Variants in LAMA1 observed in about 807,000 individuals in gnomAD.
LAMA1 encodes laminin subunit alpha-1.
A neutral mutation model predicts 348.7 loss-of-function variants in LAMA1; 219 were observed. That is an observed-to-expected ratio of 0.63 (90% confidence interval 0.56 to 0.70). The LOEUF is 0.70. LAMA1 is among the 30% of genes least tolerant of loss of function. The pLI is 0.00. For missense variants in LAMA1, 3,744 were observed against 3,888.0 expected (o/e 0.96, Z 0.99); for synonymous variants, 1,487 against 1,491.0 (o/e 1.00, Z 0.06).
chr18:7,043,500 A>T, intron 7 of LAMA1, 95 bp from the exon 8 acceptor site: 1 of 1,004,656 alleles, frequency 1.0e-6, no homozygotes, highest in African/African-American at 1.6e-5. Flanking sequence ...ATGATTTTAG[A>T]TTAAATTAAA....
chr18:7,002,285 C>G lies in LAMA1; in HGVS notation c.4361G>C (p.Cys1454Ser), dbSNP rs2057811100. The G allele has an allele frequency of 6.2e-6, 10 of 1,612,756 alleles. No homozygotes were observed. Among genetic ancestry groups the G allele is most frequent in the Non-Finnish European group, 8.5e-6 (10 of 1,179,982 alleles). Residue 1454 changes from cysteine to serine, a missense_variant, in exon 30 of 63, where the codon TGT becomes TCT. Cys to Ser is a moderately radical substitution (Grantham distance 112). Around this residue, in one of 3 missense-constraint regions of LAMA1, gnomAD observed 1,983 missense variants for 1,934.3 expected, o/e 1.03. Coordinates refer to ENST00000389658, the MANE Select transcript of LAMA1 (RefSeq NM_005559.4). The part of the protein sequence containing the change: ...GSASDCALCA[C>S]PHSPPASFSP... ...TCACCTGGCAGGAGGGCTGTGAGGA[C>G]AGGCACACAGAGCACAGTCACTTGC...
rs752008334 is a variant in LAMA1, at chr18:7,012,057, G to C, written c.3445C>G (p.Pro1149Ala). ...TGGGACAGCCCGGAGCAGAAGCACG[G>C]GCTGCAGCCCAGGGGGTTGTCTGCG... Reference protein sequence around the residue: ...LRADNPLGCSPCFCSGLSHLC... With the variant: ...LRADNPLGCSACFCSGLSHLC... Residue 1149 changes from proline (P) to alanine (A), a missense_variant, in exon 24 of 63, where the codon CCG (proline) becomes GCG (alanine). Physicochemically the swap from Pro to Ala is conservative, Grantham distance 27 (BLOSUM62 -1). This residue lies in a region of LAMA1 where 1,529 missense variants were observed against 1,689.4 expected (regional missense o/e 0.91). Coordinates refer to ENST00000389658, the MANE Select transcript of LAMA1 (RefSeq NM_005559.4). The C allele has an allele frequency of 1.9e-6, 3 of 1,612,516 alleles. No individual in the cohort carries two copies. The Admixed American group carries it at 5.0e-5, about 27-fold the overall frequency.
At chr18:7,055,487 G>GTACACACACA (rs1480915146) in intron 3 of LAMA1, among the ~76,000 whole-genome samples, 1 of 148,278 alleles carries the variant, frequency 6.7e-6, no homozygotes, top group Admixed American at 6.8e-5. Context: ...ATTTACCCAC[G>GTACACACACA]TACACACACA....
chr18:7,098,724 G>A (rs1455684603), intron 1 of LAMA1, among the ~76,000 whole-genome samples: 2 of 145,656 alleles, frequency 1.4e-5, no homozygotes, highest in East Asian at 2.0e-4. Flanking sequence ...AGGTGGGGGG[G>A]TCAGCCCCCC....
At chr18:7,100,326 T>C (rs1347297490) in intron 1 of LAMA1, among the ~76,000 whole-genome samples, 1 of 152,162 alleles carries the variant, frequency 6.6e-6, no homozygotes. Flanking sequence ...TTGAACTCAC[T>C]GTATGTCTAT....
intron 19 of LAMA1, among the ~76,000 whole-genome samples, chr18:7,022,306 A>G (rs971192369): frequency 2.0e-5 from 3 of 152,204 alleles, no homozygotes; most frequent in Admixed American, 2.0e-4. Flanking sequence ...AAAATGATAA[A>G]AACATTCTAC....
intron 3 of LAMA1, among the ~76,000 whole-genome samples, chr18:7,078,475 TTTTC>T (rs2058180241): frequency 6.6e-6 from 1 of 152,038 alleles, no homozygotes. Flanking sequence ...TCTTTTCTCT[TTTTC>T]TTTAAGGGGA....
At chr18:7,087,897 T>C (rs958774571) in intron 1 of LAMA1, among the ~76,000 whole-genome samples, 2 of 152,230 alleles carry the variant, frequency 1.3e-5, no homozygotes, top group Admixed American at 6.5e-5. Context: ...AAGGGTTTCA[T>C]ACAATGTATT....
At chr18:7,100,286 A>G (rs2058286615) in intron 1 of LAMA1, among the ~76,000 whole-genome samples, 1 of 152,186 alleles carries the variant, frequency 6.6e-6, no homozygotes, top group Non-Finnish European at 1.5e-5. Flanking sequence ...ATCATTGGAG[A>G]AATACAAAAT....
At chr18:6,956,148 G>C (rs747943775) in intron 56 of LAMA1, 3 of 330,262 alleles carry the variant, frequency 9.1e-6, no homozygotes, top group Non-Finnish European at 1.8e-5. Flanking sequence ...TAAATTATTA[G>C]AGTGCACACT....
intron 1 of LAMA1, among the ~76,000 whole-genome samples, chr18:7,101,899 G>A (rs1418541856): frequency 1.3e-5 from 2 of 148,336 alleles, no homozygotes; most frequent in Non-Finnish European, 3.0e-5. Flanking sequence ...GGCTGGTCTC[G>A]AACTCCTGGG....
intron 1 of LAMA1, among the ~76,000 whole-genome samples, chr18:7,113,462 G>A (rs565869147): frequency 7.5e-4 from 114 of 152,284 alleles, no homozygotes; most frequent in Non-Finnish European, 1.4e-3. Context: ...CTTATAGGGT[G>A]GGCCCTGGAG....
intron 36 of LAMA1, 78 bp from the exon 37 acceptor site, chr18:6,986,425 T>G (rs748982761): frequency 8.3e-6 from 11 of 1,322,892 alleles, no homozygotes; most frequent in African/African-American, 1.4e-5. Flanking sequence ...TGGAAAAAAT[T>G]TTTACGTATT....
intron 61 of LAMA1, 49 bp from the exon 62 acceptor site, chr18:6,943,451 C>G (rs374713277): frequency 7.0e-7 from 1 of 1,435,430 alleles, no homozygotes; most frequent in African/African-American, 1.4e-5. Context: ...GGAACACAGT[C>G]CATTTGTATA....
intron 3 of LAMA1, among the ~76,000 whole-genome samples, chr18:7,078,596 C>A (rs145509487): frequency 1.1e-3 from 160 of 152,296 alleles, no homozygotes; most frequent in African/African-American, 3.7e-3. Context: ...TGGAAAATGT[C>A]TCCTGAGCTG....
intron 48 of LAMA1, among the ~76,000 whole-genome samples, chr18:6,966,601 T>G (rs1378072138): frequency 2.6e-5 from 4 of 152,214 alleles, no homozygotes; most frequent in Admixed American, 1.3e-4. Flanking sequence ...TTATTTATTC[T>G]AATCTCCTTT....
intron 16 of LAMA1, among the ~76,000 whole-genome samples, chr18:7,028,061 G>C (rs2057952543): frequency 6.6e-6 from 1 of 152,212 alleles, no homozygotes; most frequent in Non-Finnish European, 1.5e-5. Flanking sequence ...AGAACTAGAA[G>C]CTACCATATC....
chr18:7,037,654 A>G lies in LAMA1; in HGVS notation c.1661T>C (p.Ile554Thr). Residue 554 changes from isoleucine (I) to threonine (T), a missense_variant, in exon 12 of 63, where the codon ATC becomes ACC. By Grantham distance (89) the Ile-to-Thr change is moderately conservative (BLOSUM62 -1). This residue lies in a region of LAMA1 where 1,529 missense variants were observed against 1,689.4 expected (regional missense o/e 0.91). Coordinates refer to ENST00000389658, the MANE Select transcript of LAMA1 (RefSeq NM_005559.4). ...TCTCTGCATGACCGCGGTGTTGTTGATGCTGACCTGATGGCGCCCGCCTAG... is the reference window on the plus strand; with the variant it reads ...TCTCTGCATGACCGCGGTGTTGTTGGTGCTGACCTGATGGCGCCCGCCTAG... ...DALGGRHQVS[I>T]NNTAVMQRLA... The G allele has an allele frequency of 6.2e-7, 1 of 1,614,116 alleles. No homozygotes were observed. Among genetic ancestry groups the G allele is most frequent in the Non-Finnish European group, 8.5e-7 (1 of 1,180,026 alleles).
At chr18:7,071,829 C>T (rs62083495) in intron 3 of LAMA1, among the ~76,000 whole-genome samples, 6 of 152,192 alleles carry the variant, frequency 3.9e-5, no homozygotes, top group South Asian at 2.1e-4. Flanking sequence ...GTCTCAGTTT[C>T]GTCATCTGTC....
Sources: allele counts gnomAD v4.1 joint callset (sites outside exome capture counted in the v4.1 genomes callset), GRCh38; gene constraint gnomAD v4.1.1; regional missense constraint gnomAD v4.1.1; transcripts MANE v1.5; gene names NCBI Gene and HGNC (gene_info 2026-07-23, HGNC 2026-07-21).